Variants in IQCM observed in about 807,000 individuals in gnomAD.
IQCM encodes the protein IQ domain-containing protein M.
A neutral mutation model predicts 57.6 loss-of-function variants in IQCM; 45 were observed. That is an observed-to-expected ratio of 0.78 (90% confidence interval 0.62 to 1.00). The LOEUF is 1.00. IQCM is among the 50% of genes least tolerant of loss of function. IQCM has a pLI of 0.00. For missense variants in IQCM, 468 were observed against 511.6 expected (o/e 0.91, Z 0.82); for synonymous variants, 148 against 158.9 (o/e 0.93, Z 0.51).
chr4:149,692,255 T>C (rs1366507863), intron 5 of IQCM, among the ~76,000 whole-genome samples: 2 of 152,092 alleles, frequency 1.3e-5, no homozygotes, highest in Admixed American at 6.5e-5. Flanking sequence ...GGAAAATAAG[T>C]CTTTATGAAA....
intron 8 of IQCM, among the ~76,000 whole-genome samples, chr4:149,615,495 A>G (rs1320756689): frequency 6.6e-6 from 1 of 152,192 alleles, no homozygotes; most frequent in Admixed American, 6.5e-5. Context: ...GATTAAAGTA[A>G]CTGGAAATTC....
chr4:149,746,206 C>T (rs1767919956), intron 2 of IQCM, among the ~76,000 whole-genome samples: 1 of 152,120 alleles, frequency 6.6e-6, no homozygotes, highest in Admixed American at 6.5e-5. Flanking sequence ...CCTCCTAACC[C>T]TGAATCATAC....
intron 2 of IQCM, among the ~76,000 whole-genome samples, chr4:149,774,474 CGTGT>C (rs1770886217): frequency 6.6e-6 from 1 of 152,134 alleles, no homozygotes; most frequent in East Asian, 1.9e-4. Context: ...CATATCCCCA[CGTGT>C]GTAGAACATC....
chr4:149,594,755 G>A (rs532449622), intron 8 of IQCM, among the ~76,000 whole-genome samples: 1 of 152,172 alleles, frequency 6.6e-6, no homozygotes, highest in East Asian at 1.9e-4. Flanking sequence ...TTGCCATGTA[G>A]TTGAGCGGTT....
chr4:149,608,554 A>C (rs959180571), intron 8 of IQCM, among the ~76,000 whole-genome samples: 6 of 151,950 alleles, frequency 3.9e-5, no homozygotes, highest in Non-Finnish European at 7.4e-5. Flanking sequence ...CATTGAAATC[A>C]TATGAAGTAC....
intron 8 of IQCM, among the ~76,000 whole-genome samples, chr4:149,618,900 C>T (rs551580284): frequency 2.6e-5 from 4 of 152,118 alleles, no homozygotes; most frequent in African/African-American, 9.6e-5. Context: ...TTAGTACACC[C>T]TCTATGGGAA....
chr4:149,658,493 G>A lies in IQCM; in HGVS notation c.565+23625C>T, dbSNP rs187389607. ...ACTGTCTTGGCTTTTGGGGTCTCTC[G>A]TGGTTCCATAAGAATTTTAAGATAT... On this transcript the variant is annotated intron_variant, in intron 7 of 13. Coordinates refer to ENST00000636793, the MANE Select transcript of IQCM (RefSeq NM_001363507.2). 9.6e-4 allele frequency among the ~76,000 whole-genome samples: 146 copies of A among 151,826 alleles called. 2 individuals are homozygous for A. The South Asian group carries it at 0.016, about 16-fold the overall frequency.
intron 12 of IQCM, among the ~76,000 whole-genome samples, chr4:149,517,414 A>G (rs1349706149): frequency 6.6e-6 from 1 of 152,206 alleles, no homozygotes; most frequent in Non-Finnish European, 1.5e-5. Context: ...TTTATGTAAT[A>G]GCATTTGGGT....
chr4:149,676,262 A>G (rs189582451), intron 7 of IQCM, among the ~76,000 whole-genome samples: 11 of 152,208 alleles, frequency 7.2e-5, no homozygotes, highest in Admixed American at 7.2e-4. Flanking sequence ...ACACAAGACC[A>G]TAAACCTCAC....
chr4:149,466,301 T>C (rs924241909), intron 12 of IQCM, among the ~76,000 whole-genome samples: 29 of 152,182 alleles, frequency 1.9e-4, no homozygotes, highest in African/African-American at 6.5e-4. Context: ...TGGATCATAA[T>C]TGAGGTCTAA....
At chr4:149,648,592 G>A (rs997987848) in intron 7 of IQCM, among the ~76,000 whole-genome samples, 1 of 152,138 alleles carries the variant, frequency 6.6e-6, no homozygotes, top group Admixed American at 6.6e-5. Flanking sequence ...GGTATTTCTA[G>A]TTCTAGATCC....
At chr4:149,630,593 T>C (rs975356747) in intron 7 of IQCM, among the ~76,000 whole-genome samples, 3 of 152,196 alleles carry the variant, frequency 2.0e-5, no homozygotes, top group Non-Finnish European at 2.9e-5. Flanking sequence ...TTATTCCAAG[T>C]TTATCGTGTA....
At chr4:149,718,729 G>C (rs536292831) in intron 5 of IQCM, among the ~76,000 whole-genome samples, 1 of 152,110 alleles carries the variant, frequency 6.6e-6, no homozygotes, top group Admixed American at 6.5e-5. Context: ...GCCTCTTCCA[G>C]CTTCTGGCGA....
chr4:149,377,238 G>C (rs1165233257), intron 13 of IQCM, among the ~76,000 whole-genome samples: 1 of 152,088 alleles, frequency 6.6e-6, no homozygotes, highest in Non-Finnish European at 1.5e-5. Context: ...ATTTTATTTA[G>C]ATGCCAGAAC....
chr4:149,562,701 T>C (rs1750240963), intron 10 of IQCM, among the ~76,000 whole-genome samples: 3 of 152,194 alleles, frequency 2.0e-5, no homozygotes, highest in Admixed American at 2.0e-4. Context: ...ATGGAGTGTT[T>C]ACCTTTTGCC....
intron 5 of IQCM, among the ~76,000 whole-genome samples, chr4:149,701,081 A>G (rs1281459584): frequency 6.6e-6 from 1 of 151,962 alleles, no homozygotes; most frequent in Non-Finnish European, 1.5e-5. Flanking sequence ...ACAAATATAC[A>G]AACTGAGGCT....
intron 5 of IQCM, among the ~76,000 whole-genome samples, chr4:149,722,865 T>A (rs1342051608): frequency 3.3e-5 from 5 of 152,154 alleles, no homozygotes; most frequent in African/African-American, 1.2e-4. Context: ...TTGCATTGAG[T>A]CTGTGGATTG....
chr4:149,597,441 A>C (rs1753884446), intron 8 of IQCM, among the ~76,000 whole-genome samples: 1 of 151,942 alleles, frequency 6.6e-6, no homozygotes, highest in Admixed American at 6.6e-5. Flanking sequence ...CCCAGGCTGG[A>C]GTGCATTGGT....
chr4:149,414,861 G>A (rs1237078964), intron 13 of IQCM, among the ~76,000 whole-genome samples: 9 of 151,928 alleles, frequency 5.9e-5, no homozygotes, highest in South Asian at 2.1e-4. Flanking sequence ...TTTATAGGAC[G>A]ATAAGTCACA....
Sources: gnomAD v4.1 joint callset for allele counts (sites outside exome capture counted in the v4.1 genomes callset) on GRCh38, gnomAD v4.1.1 for gene constraint, MANE v1.5 for transcripts, NCBI Gene and HGNC (gene_info 2026-07-23, HGNC 2026-07-21) for gene names.